Variants in MLIP observed in about 807,000 individuals in gnomAD.
MLIP encodes muscular LMNA interacting protein, also known as muscular LMNA-interacting protein.
In MLIP, 79 loss-of-function variants were observed where a neutral mutation model predicts 84.8. That is an observed-to-expected ratio of 0.93 (90% confidence interval 0.78 to 1.12). The LOEUF (loss-of-function observed/expected upper bound fraction) is 1.12. Ranked by LOEUF, MLIP falls within the 50% of genes most tolerant of loss-of-function variation. The probability of loss-of-function intolerance (pLI) is 0.00; values close to 1 mark genes in which losing one functional copy is unlikely to be tolerated. For synonymous variants in MLIP, 504 were observed against 463.0 expected, an observed-to-expected ratio of 1.09 and a Z score of -1.14; for missense variants, 1,257 against 1,160.6, an observed-to-expected ratio of 1.08 and a Z score of -1.21.
At chr6:54,041,813 T>C (rs944943726) in intron 1 of MLIP, among the ~76,000 whole-genome samples, 2 of 152,100 alleles carry the variant, frequency 1.3e-5, no homozygotes, top group Admixed American at 6.6e-5. Context: ...CAGCCCACAA[T>C]TGGCATTTTG....
intron 1 of MLIP, among the ~76,000 whole-genome samples, chr6:54,049,872 T>C (rs1419738961): frequency 6.6e-6 from 1 of 152,218 alleles, no homozygotes; most frequent in African/African-American, 2.4e-5. Context: ...TTAATCCCTT[T>C]CTTTGGGTTA....
chr6:54,129,414 T>C (rs1474131632), intron 3 of MLIP, among the ~76,000 whole-genome samples: 1 of 152,120 alleles, frequency 6.6e-6, no homozygotes, highest in African/African-American at 2.4e-5. Flanking sequence ...GATGAATGAA[T>C]GAATAAATGA....
Position 54,124,870 on chromosome 6 carries a change from G to A in MLIP, c.645+5G>A. 2.6e-6 allele frequency: 4 copies of A among 1,564,328 alleles called. No homozygotes were observed. The South Asian group carries it at 4.8e-5, about 19-fold the overall frequency. On this transcript the variant is annotated splice_donor_5th_base_variant and intron_variant, in intron 3 of 13. Transcript: ENST00000502396. ...CCTCAGCAAAAGCATGGGCAGGTAG[G>A]TTTTGTGTTCCTGCTGTCCATAAGG...
At chr6:54,182,356 A>G (rs1479392641) in intron 9 of MLIP, among the ~76,000 whole-genome samples, 1 of 151,996 alleles carries the variant, frequency 6.6e-6, no homozygotes. Flanking sequence ...AAGTGCACAG[A>G]CTCTCTGTGC....
intron 1 of MLIP, among the ~76,000 whole-genome samples, chr6:54,048,201 A>T (rs1765177122): frequency 6.6e-6 from 1 of 152,190 alleles, no homozygotes; most frequent in Admixed American, 6.5e-5. Context: ...TGGAAATAAA[A>T]GCCATTTTTG....
rs758576910 is a variant in MLIP at position 54,121,469 on chromosome 6, C to T, written c.119C>T (p.Ala40Val). ...TPQVSAGGSE[A>V]KPLIFTFVPT... ...TAGGTCTCTGCTGGTGGTTCTGAAG[C>T]CAAACCTCTGATCTTCACATTTGTC... The change falls in exon 2 of 14, where the codon GCC (alanine) becomes GTC (valine). Residue 40 changes from alanine (A) to valine (V), a missense_variant. By Grantham distance (64) the Ala-to-Val change is moderately conservative. Coordinates refer to ENST00000502396, the MANE Select transcript of MLIP (RefSeq NM_001281747.2). The T allele has an allele frequency of 3.7e-6, 6 of 1,613,912 alleles. No homozygotes were observed. The East Asian group carries it at 1.1e-4, about 30-fold the overall frequency.
chr6:54,087,528 A>G (rs1767579100), intron 1 of MLIP, among the ~76,000 whole-genome samples: 1 of 152,186 alleles, frequency 6.6e-6, no homozygotes, highest in South Asian at 2.1e-4. Flanking sequence ...AGAGGAATGA[A>G]TCTAATAGAG....
At chr6:54,233,906 G>A (rs1006904556) in intron 12 of MLIP, among the ~76,000 whole-genome samples, 15 of 152,046 alleles carry the variant, frequency 9.9e-5, no homozygotes, top group Non-Finnish European at 1.5e-4. Flanking sequence ...GCATGAGATC[G>A]TATCTCATTG....
rs1277164582 is a variant in MLIP, at chr6:54,178,046, T to A, written c.2544+8474T>A. ...GAGGGGAACAACACACATTGGGGCC[T>A]CTCGGGAGGGTAGGGAGAGGGAGAG... On this transcript the variant is annotated intron_variant, in intron 9 of 13. Transcript: ENST00000502396. Among the ~76,000 whole-genome samples, 5 of 151,976 alleles carry A rather than the reference T, an allele frequency of 3.3e-5. No individual in the cohort carries two copies. In the East Asian group the frequency reaches 9.7e-4, roughly 29 times the overall value.
chr6:54,051,976 T>G (rs1765400722), intron 1 of MLIP, among the ~76,000 whole-genome samples: 1 of 152,184 alleles, frequency 6.6e-6, no homozygotes, highest in African/African-American at 2.4e-5. Flanking sequence ...CTTCAGGCAG[T>G]GCTGAATTCA....
At chr6:54,185,505 T>C (rs932684767) in intron 9 of MLIP, among the ~76,000 whole-genome samples, 1 of 152,188 alleles carries the variant, frequency 6.6e-6, no homozygotes, top group African/African-American at 2.4e-5. Flanking sequence ...GATATTTAGA[T>C]TTTTTCCTAA....
At chr6:54,252,189 CTATAA>C (rs1200486074) in intron 12 of MLIP, among the ~76,000 whole-genome samples, 1 of 100,152 alleles carries the variant, frequency 1.0e-5, no homozygotes, top group African/African-American at 4.4e-5. Context: ...TAATATATAA[CTATAA>C]TATATTATAA....
At chr6:54,221,555 T>C (rs1780223530) in intron 11 of MLIP, among the ~76,000 whole-genome samples, 1 of 151,752 alleles carries the variant, frequency 6.6e-6, no homozygotes, top group South Asian at 2.1e-4. Flanking sequence ...CTTATAATGC[T>C]AAAAGATGGC....
At chr6:54,261,782 A>C (rs1294881661) in intron 13 of MLIP, 1 of 967,410 alleles carries the variant, frequency 1.0e-6, no homozygotes, top group Non-Finnish European at 1.2e-6. Context: ...TCAAGGGTAA[A>C]AATAAAATTA....
chr6:54,251,835 ATT>A (rs1391680882), intron 12 of MLIP, among the ~76,000 whole-genome samples: 2 of 80,184 alleles, frequency 2.5e-5, no homozygotes, highest in African/African-American at 1.0e-4. Flanking sequence ...AAATATATAT[ATT>A]ATAACATATA....
At chr6:54,067,585 C>T (rs1766270192) in intron 1 of MLIP, among the ~76,000 whole-genome samples, 1 of 101,408 alleles carries the variant, frequency 9.9e-6, no homozygotes, top group African/African-American at 2.5e-5. Flanking sequence ...AATTTGGTCA[C>T]TTTCTCCAAG....
chr6:54,229,069 T>A (rs140727208), intron 11 of MLIP, among the ~76,000 whole-genome samples: 1 of 152,152 alleles, frequency 6.6e-6, no homozygotes, highest in Non-Finnish European at 1.5e-5. Flanking sequence ...CATTAACCAA[T>A]GAAATTAGAC....
intron 9 of MLIP, among the ~76,000 whole-genome samples, chr6:54,184,200 A>C (rs1189079960): frequency 6.6e-6 from 1 of 152,158 alleles, no homozygotes; most frequent in East Asian, 1.9e-4. Context: ...TTGAGAAAGG[A>C]AGATTCAGGA....
At chr6:54,236,759 G>T (rs935175732) in intron 12 of MLIP, among the ~76,000 whole-genome samples, 4 of 152,116 alleles carry the variant, frequency 2.6e-5, no homozygotes, top group African/African-American at 9.7e-5. Flanking sequence ...AGGCTATGAT[G>T]TGTCTTAAAA....
Sources: allele counts gnomAD v4.1 joint callset (sites outside exome capture counted in the v4.1 genomes callset), GRCh38; gene constraint gnomAD v4.1.1; transcripts MANE v1.5; gene names NCBI Gene and HGNC (gene_info 2026-07-23, HGNC 2026-07-21).